The following MGAT4C variants were observed in gnomAD, a reference collection of about 807,000 sequenced individuals.
MGAT4C encodes the protein alpha-1,3-mannosyl-glycoprotein 4-beta-N-acetylglucosaminyltransferase C.
In MGAT4C, 19 loss-of-function variants were observed where a neutral mutation model predicts 40.1. That is an observed-to-expected ratio of 0.47 (90% CI 0.33 to 0.70). The LOEUF (loss-of-function observed/expected upper bound fraction) is 0.70. Among genes scored for constraint, MGAT4C ranks in the 30% least tolerant of loss-of-function variants. The probability of loss-of-function intolerance (pLI) is 0.02; values close to 1 mark genes in which losing one functional copy is unlikely to be tolerated. For missense variants in MGAT4C, 491 were observed against 563.2 expected, an observed-to-expected ratio of 0.87 and a Z score of 1.30; for synonymous variants, 181 against 187.1, an observed-to-expected ratio of 0.97 and a Z score of 0.27.
chr12:86,137,219 C>G (rs1268696236), intron 1 of MGAT4C, among the ~76,000 whole-genome samples: 2 of 152,128 alleles, frequency 1.3e-5, no homozygotes, highest in East Asian at 1.9e-4. Flanking sequence ...TACAGCCATT[C>G]TTGACTACTT....
At chr12:86,298,377 T>C (rs1230180757) in intron 4 of MGAT4C, among the ~76,000 whole-genome samples, 4 of 152,152 alleles carry the variant, frequency 2.6e-5, no homozygotes, top group Non-Finnish European at 5.9e-5. Context: ...GATGGCAACT[T>C]GTATATAGCA....
At position 86,572,689 on chromosome 12, in the gene MGAT4C, C is replaced by T. The variant is rs186760255; in HGVS notation, c.-228-137424G>A. 1.2e-4 allele frequency among the ~76,000 whole-genome samples: 19 copies of T among 152,150 alleles called. No individual in the cohort carries two copies. In the East Asian group the frequency reaches 3.5e-3, roughly 28 times the overall value. On this transcript the variant is annotated intron_variant, in intron 2 of 7. Transcript: ENST00000548651. ...CAATAATCTTTTTCTAACTGGTCTG[C>T]CTCAATTACACATGATTAAACAAAC...
intron 1 of MGAT4C, among the ~76,000 whole-genome samples, chr12:86,175,674 G>C (rs991027844): frequency 6.6e-6 from 1 of 151,774 alleles, no homozygotes; most frequent in African/African-American, 2.4e-5. Flanking sequence ...AATTTTGGCT[G>C]GGTGCGGTGG....
At chr12:86,219,583 C>T (rs839107) in intron 1 of MGAT4C, among the ~76,000 whole-genome samples, 2 of 152,260 alleles carry the variant, frequency 1.3e-5, no homozygotes, top group East Asian at 3.9e-4. Flanking sequence ...GTAGCTAAAA[C>T]CTTATTAGTA....
At chr12:86,630,507 A>AATACTC (rs1257338331) in intron 2 of MGAT4C, among the ~76,000 whole-genome samples, 6 of 152,170 alleles carry the variant, frequency 3.9e-5, no homozygotes, top group South Asian at 2.1e-4. Context: ...TCCTCAATAA[A>AATACTC]ATACTCGCAA....
chr12:86,768,029 G>A (rs966141433), intron 1 of MGAT4C, among the ~76,000 whole-genome samples: 11 of 152,120 alleles, frequency 7.2e-5, no homozygotes, highest in Non-Finnish European at 1.2e-4. Flanking sequence ...CAATTAGGCA[G>A]GAGAAGGAAA....
chr12:86,518,010 T>C (rs951711168), intron 2 of MGAT4C, among the ~76,000 whole-genome samples: 21 of 152,144 alleles, frequency 1.4e-4, no homozygotes, highest in Non-Finnish European at 2.8e-4. Flanking sequence ...CTTTCAGGCC[T>C]GCTTTGAACT....
intron 1 of MGAT4C, among the ~76,000 whole-genome samples, chr12:86,202,472 T>C (rs577506306): frequency 3.8e-4 from 58 of 152,202 alleles, no homozygotes; most frequent in African/African-American, 1.3e-3. Context: ...ATACTTATTA[T>C]TGGACGCAAT....
intron 1 of MGAT4C, among the ~76,000 whole-genome samples, chr12:86,164,792 G>T (rs891105261): frequency 1.3e-5 from 2 of 152,168 alleles, no homozygotes; most frequent in African/African-American, 4.8e-5. Context: ...TATGTTGCTA[G>T]AGAGGAAGGC....
chr12:86,533,638 C>T lies in MGAT4C; in HGVS notation c.-228-98373G>A, dbSNP rs142199629. Among the ~76,000 whole-genome samples the T allele has an allele frequency of 3.4e-3, 508 of 151,414 alleles. 1 individual carries two copies. The highest frequency in any genetic ancestry group is 0.012 in the African/African-American group (491 of 41,398). On this transcript the variant is annotated intron_variant, in intron 2 of 7. Coordinates refer to the MGAT4C transcript ENST00000548651. ...ACTATGTACTATATACTACTATATA[C>T]ACACATTATTGTATATACACACATT...
At chr12:86,827,632 C>T (rs1952833877) in intron 1 of MGAT4C, among the ~76,000 whole-genome samples, 1 of 151,076 alleles carries the variant, frequency 6.6e-6, no homozygotes, top group African/African-American at 2.4e-5. Flanking sequence ...AAGAAAAATG[C>T]CTTGGAAAGA....
intron 3 of MGAT4C, among the ~76,000 whole-genome samples, chr12:86,383,513 T>TGCACTCCA (rs1410944645): frequency 8.3e-6 from 1 of 120,096 alleles, no homozygotes; most frequent in Admixed American, 1.2e-4. Context: ...ATCACGCCGC[T>TGCACTCCA]GCACTCCAGA....
intron 2 of MGAT4C, among the ~76,000 whole-genome samples, chr12:86,547,263 C>T (rs1042442682): frequency 1.3e-5 from 2 of 151,866 alleles, no homozygotes; most frequent in Non-Finnish European, 2.9e-5. Flanking sequence ...TCTTCTTCTT[C>T]CTCTGCTTCC....
chr12:86,000,032 C>A (rs1000596014), intron 2 of MGAT4C, among the ~76,000 whole-genome samples: 1 of 152,088 alleles, frequency 6.6e-6, no homozygotes, highest in Non-Finnish European at 1.5e-5. Flanking sequence ...ACCGAAAAAA[C>A]TTTAAAGTGA....
At chr12:86,174,152 C>T (rs1887155280) in intron 1 of MGAT4C, among the ~76,000 whole-genome samples, 1 of 151,150 alleles carries the variant, frequency 6.6e-6, no homozygotes, top group African/African-American at 2.4e-5. Context: ...CACACACACA[C>T]ACACACAGAA....
intron 2 of MGAT4C, among the ~76,000 whole-genome samples, chr12:86,658,158 T>C (rs1963894693): frequency 6.6e-6 from 1 of 152,012 alleles, no homozygotes. Context: ...TTATACAAAA[T>C]GTACTGTTAG....
chr12:86,805,115 T>C (rs1952323482), intron 1 of MGAT4C, among the ~76,000 whole-genome samples: 1 of 152,090 alleles, frequency 6.6e-6, no homozygotes, highest in South Asian at 2.1e-4. Flanking sequence ...TGTTTATGAA[T>C]ACTAGTTTTC....
intron 1 of MGAT4C, among the ~76,000 whole-genome samples, chr12:86,811,236 T>G (rs998729911): frequency 6.6e-5 from 10 of 151,410 alleles, no homozygotes; most frequent in Non-Finnish European, 1.3e-4. Context: ...CATTTTTAAA[T>G]GATCGACTAT....
chr12:86,452,234 T>C (rs1331684526), intron 2 of MGAT4C, among the ~76,000 whole-genome samples: 12 of 151,886 alleles, frequency 7.9e-5, no homozygotes, highest in Admixed American at 7.9e-4. Context: ...TACTTTGAGT[T>C]CTAGGGTACA....
Sources: gnomAD v4.1 joint callset for allele counts (sites outside exome capture counted in the v4.1 genomes callset) on GRCh38, gnomAD v4.1.1 for gene constraint, MANE v1.5 for transcripts, NCBI Gene and HGNC (gene_info 2026-07-23, HGNC 2026-07-21) for gene names.